BORCS5: variants seen among roughly 807,000 people sequenced by gnomAD.
BORCS5 encodes BLOC-1-related complex subunit 5.
In BORCS5, 17 loss-of-function variants were observed where a neutral mutation model predicts 22.1. The ratio of observed to expected loss-of-function variants is 0.77; its 90% CI spans 0.53 to 1.15. The LOEUF (loss-of-function observed/expected upper bound fraction) is 1.15. Ranked by LOEUF, BORCS5 falls within the 50% of genes most tolerant of loss-of-function variation. The pLI, the probability that BORCS5 is intolerant of heterozygous loss-of-function variation, is 0.00. For missense variants in BORCS5, 247 were observed against 253.2 expected, an observed-to-expected ratio of 0.98 and a Z score of 0.17; for synonymous variants, 117 against 99.8, an observed-to-expected ratio of 1.17 and a Z score of -1.03.
At chr12:12,464,675 C>T (rs565665227) in intron 3 of BORCS5, among the ~76,000 whole-genome samples, 13 of 152,196 alleles carry the variant, frequency 8.5e-5, no homozygotes, top group Non-Finnish European at 1.3e-4. Flanking sequence ...ATGGCGGTCT[C>T]TCTCTCTATT....
At position 12,422,360 on chromosome 12, in the gene BORCS5, C is replaced by T. The variant is rs1253659271; in HGVS notation, c.203-13268C>T. 2.0e-5 allele frequency among the ~76,000 whole-genome samples: 3 copies of T among 150,744 alleles called. No homozygotes were observed. The East Asian group carries it at 5.8e-4, about 29-fold the overall frequency. On this transcript the variant is annotated intron_variant, in intron 2 of 3. Coordinates refer to ENST00000314565, the MANE Select transcript of BORCS5 (RefSeq NM_058169.6). ...CGGATGCGGTGGCTCACGCATGTAA[C>T]TCCAGCACTTTGGAAGGCCCAGGCA...
chr12:12,381,856 T>C (rs1863781722), intron 2 of BORCS5, among the ~76,000 whole-genome samples: 1 of 151,446 alleles, frequency 6.6e-6, no homozygotes, highest in Non-Finnish European at 1.5e-5. Flanking sequence ...TTTTATCAAT[T>C]GAGAGTGAGG....
At chr12:12,438,412 A>G (rs993608954) in intron 3 of BORCS5, among the ~76,000 whole-genome samples, 3 of 150,646 alleles carry the variant, frequency 2.0e-5, no homozygotes, top group Admixed American at 6.6e-5. Flanking sequence ...TCTAATCCAT[A>G]TCTGTTGTTT....
chr12:12,451,340 C>T (rs1404522782), intron 3 of BORCS5, among the ~76,000 whole-genome samples: 1 of 152,148 alleles, frequency 6.6e-6, no homozygotes, highest in African/African-American at 2.4e-5. Flanking sequence ...TCATGCGATA[C>T]ATATCTGGTT....
intron 3 of BORCS5, among the ~76,000 whole-genome samples, chr12:12,451,064 T>C (rs1387403411): frequency 1.3e-5 from 2 of 152,242 alleles, no homozygotes; most frequent in African/African-American, 4.8e-5. Flanking sequence ...CCAGTTTTGT[T>C]TCTGTTAGAG....
rs536497842 is a variant in BORCS5, at chr12:12,440,804, G to A, written c.360+5019G>A. On this transcript the variant is annotated intron_variant, in intron 3 of 3. Transcript: ENST00000314565. ...GAATGTTGGAATTGGAAGGACCTTA[G>A]AGACCCTCTGGTCCAGTGCTCTCAT... Among the ~76,000 whole-genome samples, 15 of 152,302 alleles carry A rather than the reference G, an allele frequency of 9.8e-5. No individual in the cohort carries two copies. The South Asian group carries it at 3.1e-3, about 32-fold the overall frequency.
chr12:12,419,615 G>A (rs1360231795), intron 2 of BORCS5, among the ~76,000 whole-genome samples: 4 of 152,180 alleles, frequency 2.6e-5, no homozygotes, highest in Admixed American at 6.5e-5. Context: ...TTGAGGAATT[G>A]CCACATTGTC....
In BORCS5 at chr12:12,466,851, TAC is replaced by T. The variant is rs1476406821; in HGVS notation, c.*1076_*1077del. ...AAGCGTCGGGAGGTGTGTTTTCAGA[TAC>T]CAGAAAGAGCCTTCAGTAGATTCAC... On this transcript the variant is annotated 3_prime_UTR_variant, in exon 4 of 4. Transcript: ENST00000314565. The T allele has an allele frequency of 6.6e-6, 1 of 152,210 alleles. No homozygotes were observed. The highest frequency in any genetic ancestry group is 1.5e-5 in the Non-Finnish European group (1 of 68,050). 9.4% of individuals were successfully genotyped at this position (152,210 alleles called of 1,614,324 possible).
At chr12:12,405,103 A>T (rs1268481771) in intron 2 of BORCS5, among the ~76,000 whole-genome samples, 1 of 152,198 alleles carries the variant, frequency 6.6e-6, no homozygotes, top group African/African-American at 2.4e-5. Context: ...CAACAATAAT[A>T]CAGAAGAAGG....
intron 2 of BORCS5, among the ~76,000 whole-genome samples, chr12:12,400,718 C>T (rs955344140): frequency 6.6e-6 from 1 of 152,154 alleles, no homozygotes; most frequent in Non-Finnish European, 1.5e-5. Context: ...AACAACGCCC[C>T]CTCCCCATCC....
intron 2 of BORCS5, among the ~76,000 whole-genome samples, chr12:12,428,380 A>G (rs904687607): frequency 3.9e-5 from 6 of 152,336 alleles, no homozygotes; most frequent in African/African-American, 1.4e-4. Context: ...TCTCTGGAAT[A>G]TTCAGTCTTG....
chr12:12,405,587 T>C (rs1365185967), intron 2 of BORCS5, among the ~76,000 whole-genome samples: 2 of 152,356 alleles, frequency 1.3e-5, no homozygotes, highest in Admixed American at 1.3e-4. Context: ...ATACAGAACA[T>C]GCTTAGCACA....
intron 2 of BORCS5, among the ~76,000 whole-genome samples, chr12:12,383,221 C>T (rs959798244): frequency 1.3e-5 from 2 of 151,296 alleles, no homozygotes; most frequent in Non-Finnish European, 3.0e-5. Flanking sequence ...GAGTCTACTT[C>T]AGATTAATAC....
At chr12:12,368,486 C>A (rs1443524735) in intron 2 of BORCS5, among the ~76,000 whole-genome samples, 1 of 151,924 alleles carries the variant, frequency 6.6e-6, no homozygotes, top group African/African-American at 2.4e-5. Context: ...GATCTGTCAT[C>A]CAGGCTGGAG....
chr12:12,428,343 G>T (rs1246689200), intron 2 of BORCS5, among the ~76,000 whole-genome samples: 1 of 152,204 alleles, frequency 6.6e-6, no homozygotes, highest in African/African-American at 2.4e-5. Flanking sequence ...TACACAAAGA[G>T]GTAGGTACAG....
At chr12:12,443,723 T>C (rs1202034998) in intron 3 of BORCS5, among the ~76,000 whole-genome samples, 2 of 152,196 alleles carry the variant, frequency 1.3e-5, no homozygotes, top group Non-Finnish European at 1.5e-5. Context: ...CCATTCCGCT[T>C]TTGGACAATG....
At chr12:12,407,762 G>A (rs953833366) in intron 2 of BORCS5, among the ~76,000 whole-genome samples, 2 of 148,586 alleles carry the variant, frequency 1.3e-5, no homozygotes, top group Admixed American at 1.4e-4. Flanking sequence ...CTAGAGTGCA[G>A]TGGCACGATC....
At chr12:12,403,355 C>T (rs1274816949) in intron 2 of BORCS5, among the ~76,000 whole-genome samples, 1 of 152,158 alleles carries the variant, frequency 6.6e-6, no homozygotes, top group Non-Finnish European at 1.5e-5. Context: ...TTGGCTGTTT[C>T]ACTGTTAGAG....
At chr12:12,411,585 C>G (rs1226159720) in intron 2 of BORCS5, among the ~76,000 whole-genome samples, 1 of 152,040 alleles carries the variant, frequency 6.6e-6, no homozygotes, top group Non-Finnish European at 1.5e-5. Flanking sequence ...TTGATAGTAT[C>G]TTTTCATGCA....
Sources: gnomAD v4.1 joint callset for allele counts (sites outside exome capture counted in the v4.1 genomes callset) on GRCh38, gnomAD v4.1.1 for gene constraint, MANE v1.5 for transcripts, NCBI Gene and HGNC (gene_info 2026-07-23, HGNC 2026-07-21) for gene names.